ALCAM: variants seen among roughly 807,000 people sequenced by gnomAD.
The protein encoded by ALCAM is activated leukocyte cell adhesion molecule.
A neutral mutation model predicts 70.9 loss-of-function variants in ALCAM; 30 were observed. The observed-to-expected ratio is 0.42, with a 90% CI of 0.32 to 0.57. The LOEUF is 0.57. Ranked by LOEUF, ALCAM falls within the 20% of genes least tolerant of loss-of-function variation. The pLI is 0.11. For missense variants in ALCAM, 591 were observed against 695.1 expected (o/e 0.85, Z 1.68); for synonymous variants, 249 against 242.5 (o/e 1.03, Z -0.25).
At chr3:105,545,419 G>A (rs1940222441) in intron 9 of ALCAM, 84 bp downstream of exon 9, 1 of 906,618 alleles carries the variant, frequency 1.1e-6, no homozygotes. Flanking sequence ...TATTCAAGTA[G>A]GTATATTCAT....
rs1228999299 is a variant in ALCAM, at chr3:105,524,768, G to T, written c.394+260G>T. The stretch of plus-strand genomic sequence containing the variant: ...GTCATGTAAAAATGTCGTGAGCTAT[G>T]AAGTACTACTACTGATAACTAGCAG... On this transcript the variant is annotated intron_variant, in intron 3 of 15. Coordinates refer to ENST00000306107, the MANE Select transcript of ALCAM (RefSeq NM_001627.4). 10 of 1,221,764 alleles carry T rather than the reference G, an allele frequency of 8.2e-6. No homozygotes were observed. In the East Asian group the frequency reaches 2.6e-4, roughly 31 times the overall value. The allele number at this position is 1,221,764 out of a possible 1,614,324, so 75.7% of individuals were successfully genotyped here. A position where few individuals can be genotyped will look rare whatever the true frequency, so the allele number is the denominator to read the frequency against.
intron 1 of ALCAM, among the ~76,000 whole-genome samples, chr3:105,484,094 C>T (rs1429882688): frequency 3.3e-5 from 5 of 151,750 alleles, no homozygotes; most frequent in Non-Finnish European, 4.4e-5. Flanking sequence ...TAAAGGAAAG[C>T]GTTCTTGGTC....
chr3:105,472,246 A>C (rs1475667504), intron 1 of ALCAM, among the ~76,000 whole-genome samples: 1 of 151,274 alleles, frequency 6.6e-6, no homozygotes, highest in Non-Finnish European at 1.5e-5. Flanking sequence ...TTATGAATTA[A>C]TTTCTTTATT....
chr3:105,565,084 A>G (rs1940714841), intron 14 of ALCAM, among the ~76,000 whole-genome samples: 1 of 152,096 alleles, frequency 6.6e-6, no homozygotes, highest in Non-Finnish European at 1.5e-5. Context: ...CCAGGAGTCC[A>G]AGGCTGCAAT....
At chr3:105,415,602 C>T (rs1331538123) in intron 1 of ALCAM, among the ~76,000 whole-genome samples, 1 of 152,082 alleles carries the variant, frequency 6.6e-6, no homozygotes, top group African/African-American at 2.4e-5. Context: ...TCAAATTGGT[C>T]ACACATAAAT....
intron 8 of ALCAM, among the ~76,000 whole-genome samples, chr3:105,543,045 C>T (rs1473354022): frequency 6.6e-6 from 1 of 151,660 alleles, no homozygotes; most frequent in Non-Finnish European, 1.5e-5. Context: ...AGCTAGCTCT[C>T]TATTATCATT....
At chr3:105,527,909 G>A (rs1939745677) in intron 3 of ALCAM, among the ~76,000 whole-genome samples, 1 of 151,194 alleles carries the variant, frequency 6.6e-6, no homozygotes, top group Non-Finnish European at 1.5e-5. Flanking sequence ...GTAAAATTTT[G>A]GGGGGCATTG....
At chr3:105,451,516 A>T (rs568687858) in intron 1 of ALCAM, among the ~76,000 whole-genome samples, 1 of 152,320 alleles carries the variant, frequency 6.6e-6, no homozygotes, top group East Asian at 1.9e-4. Context: ...TTTGAATGTC[A>T]AGCCTAGAAA....
intron 1 of ALCAM, among the ~76,000 whole-genome samples, chr3:105,444,783 A>G (rs1475348243): frequency 6.6e-6 from 1 of 152,196 alleles, no homozygotes; most frequent in Non-Finnish European, 1.5e-5. Flanking sequence ...TTTTTTAAAG[A>G]AAAGCAGTCA....
At position 105,575,753 on chromosome 3, in the gene ALCAM, G is replaced by C. The variant is rs1940950530; in HGVS notation, c.*1302G>C. On this transcript the variant is annotated 3_prime_UTR_variant, in exon 16 of 16. Transcript: ENST00000306107. ...TCTTTCAAGCAGAAGCCTGGTTTCTGGGAGAACACTGCACAGCGATTTCTT... is the reference window on the plus strand; with the variant it reads ...TCTTTCAAGCAGAAGCCTGGTTTCTCGGAGAACACTGCACAGCGATTTCTT... 6.6e-6 allele frequency: 1 copy of C among 151,998 alleles called. No individual in the cohort carries two copies. The highest frequency in any genetic ancestry group is 2.4e-5 in the African/African-American group (1 of 41,378). 9.4% of individuals were successfully genotyped at this position (151,998 alleles called of 1,614,324 possible). A position where few individuals can be genotyped will look rare whatever the true frequency, so the allele number is the denominator to read the frequency against.
chr3:105,468,617 A>C (rs985469129), intron 1 of ALCAM, among the ~76,000 whole-genome samples: 2 of 151,246 alleles, frequency 1.3e-5, no homozygotes, highest in Non-Finnish European at 3.0e-5. Flanking sequence ...TGCTGGTATA[A>C]TGTACTTTGC....
intron 14 of ALCAM, among the ~76,000 whole-genome samples, chr3:105,564,251 A>G (rs549622285): frequency 6.6e-6 from 1 of 152,372 alleles, no homozygotes; most frequent in South Asian, 2.1e-4. Flanking sequence ...ATCACTTCAC[A>G]TGTAATGTAA....
At chr3:105,460,452 A>G (rs560885212) in intron 1 of ALCAM, among the ~76,000 whole-genome samples, 1 of 152,112 alleles carries the variant, frequency 6.6e-6, no homozygotes, top group South Asian at 2.1e-4. Flanking sequence ...TCAAAGTGCT[A>G]TTTCATAGGC....
chr3:105,495,143 C>T (rs1306333696), intron 1 of ALCAM, among the ~76,000 whole-genome samples: 5 of 152,198 alleles, frequency 3.3e-5, no homozygotes, highest in African/African-American at 9.6e-5. Context: ...ACCAAAATAA[C>T]ACCACTTAAT....
chr3:105,437,703 G>T (rs1937081108), intron 1 of ALCAM, among the ~76,000 whole-genome samples: 1 of 134,584 alleles, frequency 7.4e-6, no homozygotes, highest in Admixed American at 8.1e-5. Context: ...GGAAGAAAAA[G>T]AAAATAATCT....
chr3:105,514,521 ATTGT>A, intron 1 of ALCAM, among the ~76,000 whole-genome samples: 1 of 152,038 alleles, frequency 6.6e-6, no homozygotes, highest in African/African-American at 2.4e-5. Context: ...TTAAAACTTT[ATTGT>A]TTGTGTAATT....
chr3:105,375,050 G>C (rs1935342384), intron 1 of ALCAM, among the ~76,000 whole-genome samples: 1 of 152,180 alleles, frequency 6.6e-6, no homozygotes, highest in African/African-American at 2.4e-5. Flanking sequence ...AATTCAGCTT[G>C]TTTGTGGTAC....
At chr3:105,454,567 A>G (rs115722775) in intron 1 of ALCAM, among the ~76,000 whole-genome samples, 1,985 of 151,874 alleles carry the variant, frequency 0.013, 38 homozygotes, top group African/African-American at 0.045. Flanking sequence ...ATCTAATTAG[A>G]AACAGAGGTT....
At chr3:105,543,380 C>T (rs1348983255) in intron 8 of ALCAM, among the ~76,000 whole-genome samples, 1 of 151,668 alleles carries the variant, frequency 6.6e-6, no homozygotes, top group Non-Finnish European at 1.5e-5. Flanking sequence ...GGTTTTAACT[C>T]TGTTGCTGAC....
Sources: gnomAD v4.1 joint callset for allele counts (sites outside exome capture counted in the v4.1 genomes callset) on GRCh38, gnomAD v4.1.1 for gene constraint, MANE v1.5 for transcripts, NCBI Gene and HGNC (gene_info 2026-07-23, HGNC 2026-07-21) for gene names.